IL12RB1: variants seen among roughly 807,000 people sequenced by gnomAD.
IL12RB1 encodes the protein interleukin 12 receptor subunit beta 1.
In IL12RB1, 64 loss-of-function variants were observed where a neutral mutation model predicts 94.4. That is an observed-to-expected ratio of 0.68 (90% CI 0.55 to 0.83). The LOEUF is 0.83. Ranked by LOEUF, IL12RB1 falls within the 40% of genes least tolerant of loss-of-function variation. The pLI, the probability that IL12RB1 is intolerant of heterozygous loss-of-function variation, is 0.00. For missense variants in IL12RB1, 814 were observed against 855.6 expected (o/e 0.95, Z 0.61); for synonymous variants, 362 against 355.5 (o/e 1.02, Z -0.21).
intron 14 of IL12RB1, 36 bp from the exon 15 acceptor site, chr19:18,061,233 G>GTTTTT: frequency 2.4e-5 from 20 of 823,408 alleles, no homozygotes; most frequent in South Asian, 5.2e-5. Flanking sequence ...AGGAGCTGAG[G>GTTTTT]TTTTTTTTTT....
intron 2 of IL12RB1, 125 bp from the exon 3 acceptor site, chr19:18,082,389 C>T: frequency 1.4e-6 from 1 of 695,398 alleles, no homozygotes; most frequent in East Asian, 2.7e-5. Flanking sequence ...CCGCGTCCTT[C>T]CTACCTCATC....
intron 14 of IL12RB1, 120 bp downstream of exon 14, chr19:18,062,061 G>T: frequency 1.5e-6 from 1 of 684,420 alleles, no homozygotes; most frequent in Non-Finnish European, 2.6e-6. Context: ...CCTCTGGCTT[G>T]CCCTTGAATT....
chr19:18,098,107 C>T (rs1454844815), intron 1 of IL12RB1, among the ~76,000 whole-genome samples: 4 of 152,190 alleles, frequency 2.6e-5, no homozygotes, highest in Non-Finnish European at 5.9e-5. Context: ...TCCCCACCAG[C>T]TGTTCTAATA....
chr19:18,089,809 G>C, upstream of IL12RB1, among the ~76,000 whole-genome samples: 1 of 152,196 alleles, frequency 6.6e-6, no homozygotes, highest in South Asian at 2.1e-4. Flanking sequence ...CTGGGAGGAG[G>C]TCCCTCCTTC....
rs2035971651 is a variant in IL12RB1, at chr19:18,082,283, G to C, written c.125-19C>G. ...GCCGAGCCTGGAAGAGATCCTGTAG[G>C]CTTGGGAACAGACCAGAGTCTGGAG... On this transcript the variant is annotated intron_variant, in intron 2 of 16. Coordinates refer to ENST00000593993, the MANE Select transcript of IL12RB1 (RefSeq NM_005535.3). The C allele has an allele frequency of 6.7e-7, 1 of 1,485,690 alleles. No individual in the cohort carries two copies. Among genetic ancestry groups the C allele is most frequent in the African/African-American group, 1.4e-5 (1 of 72,208 alleles). 92.0% of individuals were successfully genotyped at this position (1,485,690 alleles called of 1,614,324 possible). A position where few individuals can be genotyped will look rare whatever the true frequency, so the allele number is the denominator to read the frequency against.
At chr19:18,065,853 A>T (rs1192130765) in intron 12 of IL12RB1, among the ~76,000 whole-genome samples, 1 of 151,486 alleles carries the variant, frequency 6.6e-6, no homozygotes, top group African/African-American at 2.4e-5. Context: ...CAGCCTGGGC[A>T]ATATAGCAAG....
chr19:18,070,448 G>C (rs1452298297), intron 9 of IL12RB1: 1 of 828,278 alleles, frequency 1.2e-6, no homozygotes, highest in African/African-American at 1.8e-5. Context: ...GTGGTCTCAT[G>C]CCAAACTCAG....
intron 1 of IL12RB1, chr19:18,097,913 C>A: frequency 9.1e-7 from 1 of 1,093,602 alleles, no homozygotes; most frequent in Non-Finnish European, 1.2e-6. Context: ...AGGGGCGGGG[C>A]CTTCACGGGC....
exon 1 of IL12RB1, chr19:18,098,770 G>C (rs1238023304): frequency 6.6e-6 from 3 of 456,586 alleles, no homozygotes; most frequent in Non-Finnish European, 1.3e-5. Context: ...GAACATTTAT[G>C]GAGCGCCTGC....
intron 1 of IL12RB1, among the ~76,000 whole-genome samples, chr19:18,098,102 A>C (rs1295356421): frequency 6.6e-6 from 1 of 152,142 alleles, no homozygotes; most frequent in Admixed American, 6.5e-5. Flanking sequence ...GCCCCTCCCC[A>C]CCAGCTGTTC....
At position 18,075,842 on chromosome 19, in the gene IL12RB1, T is replaced by A. The variant is rs762860353; in HGVS notation, c.607A>T (p.Asn203Tyr). Residue 203 changes from asparagine to tyrosine, a missense_variant, in exon 7 of 17, where the codon AAT (asparagine) becomes TAT (tyrosine). By Grantham distance (143) the Asn-to-Tyr change is moderately radical. Transcript: ENST00000593993. ...CGGAGCTGGAATTCCTGGGCCACAT[T>A]CATCTCCAGGGGGCAGAGGCAGGAC... ...TESCLCPLEMNVAQEFQLRRR... is the reference protein window; with the variant it reads ...TESCLCPLEMYVAQEFQLRRR... 4.3e-6 allele frequency: 7 copies of A among 1,613,270 alleles called. No homozygotes were observed. The East Asian group carries it at 8.9e-5, about 21-fold the overall frequency.
intron 9 of IL12RB1, chr19:18,070,614 G>T (rs1281163529): frequency 2.6e-6 from 2 of 781,462 alleles, no homozygotes; most frequent in Non-Finnish European, 3.1e-6. Context: ...CCAAGCCAAT[G>T]CTGAGAGCTT....
chr19:18,084,779 C>G (rs530120463), intron 1 of IL12RB1, among the ~76,000 whole-genome samples: 3 of 152,214 alleles, frequency 2.0e-5, no homozygotes, highest in Non-Finnish European at 4.4e-5. Context: ...TCATCCACCA[C>G]CCTTTAGTCC....
chr19:18,080,906 G>A lies in IL12RB1; in HGVS notation c.335C>T (p.Thr112Ile), dbSNP rs1452847398. Reference sequence around the variant, plus strand: ...CCTGGCCCAGGATTCCACCCAGAGTGTGACAGTGTACAGCACAGACACCCC... The same window carrying A: ...CCTGGCCCAGGATTCCACCCAGAGTATGACAGTGTACAGCACAGACACCCC... Reference protein sequence around the residue: ...QAGVSVLYTVTLWVESWARNQ... With the variant: ...QAGVSVLYTVILWVESWARNQ... The change falls in exon 4 of 17, where the codon ACA (threonine) becomes ATA (isoleucine). Residue 112 changes from threonine to isoleucine, a missense_variant. Physicochemically the swap from Thr to Ile is moderately conservative, Grantham distance 89. Transcript: ENST00000593993. 5.0e-6 allele frequency: 8 copies of A among 1,613,332 alleles called. No individual in the cohort carries two copies. Among genetic ancestry groups the A allele is most frequent in the Admixed American group, 3.3e-5 (2 of 59,986 alleles).
chr19:18,075,611 G>A (rs1407912033), intron 7 of IL12RB1, 138 bp downstream of exon 7: 34 of 776,660 alleles, frequency 4.4e-5, no homozygotes, highest in Non-Finnish European at 6.5e-5. Flanking sequence ...TGCCCGGGCT[G>A]GTCTCAAACC....
chr19:18,075,219 C>A (rs1233937800), intron 7 of IL12RB1, among the ~76,000 whole-genome samples: 1 of 151,322 alleles, frequency 6.6e-6, no homozygotes, highest in East Asian at 1.9e-4. Context: ...ATACCTGCTG[C>A]CTTATTTCTT....
At chr19:18,061,091 A>G (rs765669024) in intron 15 of IL12RB1, 31 bp downstream of exon 15, 3 of 1,199,506 alleles carry the variant, frequency 2.5e-6, no homozygotes, top group Non-Finnish European at 3.7e-6. Flanking sequence ...CACCCAATAA[A>G]AAGACTTGGA....
intron 9 of IL12RB1, chr19:18,070,493 A>G (rs1351091519): frequency 1.7e-5 from 17 of 982,940 alleles, no homozygotes; most frequent in Non-Finnish European, 2.1e-5. Flanking sequence ...TCCCTGGGCA[A>G]ATCTCTCCCA....
At chr19:18,059,684 G>A in intron 16 of IL12RB1, 71 bp from the exon 17 acceptor site, 1 of 776,938 alleles carries the variant, frequency 1.3e-6, no homozygotes, top group Non-Finnish European at 2.4e-6. Context: ...TCATGTGAGT[G>A]GATGGAATGG....
Sources: gnomAD v4.1 joint callset for allele counts (sites outside exome capture counted in the v4.1 genomes callset) on GRCh38, gnomAD v4.1.1 for gene constraint, MANE v1.5 for transcripts, NCBI Gene and HGNC (gene_info 2026-07-23, HGNC 2026-07-21) for gene names.